Variants in GABRG1 observed in about 807,000 individuals in gnomAD.
GABRG1 encodes the protein gamma-aminobutyric acid receptor subunit gamma-1.
In GABRG1, 49 loss-of-function variants were observed where a neutral mutation model predicts 49.8. The observed-to-expected ratio is 0.98, with a 90% CI of 0.78 to 1.25. GABRG1 has a LOEUF of 1.25. GABRG1 is among the 50% of genes most tolerant of loss of function. The probability of loss-of-function intolerance (pLI) is 0.00; values close to 1 mark genes in which losing one functional copy is unlikely to be tolerated. For synonymous variants in GABRG1, 232 were observed against 185.1 expected (o/e 1.25, Z -2.06); for missense variants, 552 against 552.3 (o/e 1.00, Z 0.01).
Position 46,039,089 on chromosome 4 carries a change from A to C in GABRG1, c.*1899T>G, listed in dbSNP as rs878899946. 7 of 144,932 alleles carry C rather than the reference A, an allele frequency of 4.8e-5. No individual in the cohort carries two copies. The South Asian group carries it at 1.5e-3, about 30-fold the overall frequency. 9.0% of individuals were successfully genotyped at this position (144,932 alleles called of 1,614,324 possible). ...AAAATAGCCATACAATATTTTAGTA[A>C]AGTATTTTATTCTTTATTACTACTT... On this transcript the variant is annotated 3_prime_UTR_variant, in exon 9 of 9. Transcript: ENST00000295452.
chr4:46,068,108 C>T (rs1718985084), intron 3 of GABRG1, among the ~76,000 whole-genome samples: 1 of 152,092 alleles, frequency 6.6e-6, no homozygotes, highest in Admixed American at 6.6e-5. Flanking sequence ...GACATGATGT[C>T]TAATTTTAAT....
intron 3 of GABRG1, among the ~76,000 whole-genome samples, chr4:46,066,776 T>C (rs929794270): frequency 7.2e-5 from 11 of 151,774 alleles, no homozygotes; most frequent in Admixed American, 6.6e-5. Context: ...ATTTAACATA[T>C]ATAAAATGAA....
Position 46,037,751 on chromosome 4 carries a change from A to G in GABRG1, c.*3237T>C, listed in dbSNP as rs1333203252. The G allele has an allele frequency of 1.3e-5, 2 of 151,690 alleles. No individual in the cohort carries two copies. The highest frequency in any genetic ancestry group is 1.9e-4 in the East Asian group (1 of 5,178). 9.4% of individuals were successfully genotyped at this position (151,690 alleles called of 1,614,324 possible). A position where few individuals can be genotyped will look rare whatever the true frequency, so the allele number is the denominator to read the frequency against. On this transcript the variant is annotated 3_prime_UTR_variant, in exon 9 of 9. Coordinates refer to ENST00000295452, the MANE Select transcript of GABRG1 (RefSeq NM_173536.4). ...TTATTTATTTCAATCTACTAAAATCATCTTATTTAAAGCTCCTCTCTTGTA... is the reference window on the plus strand; with the variant it reads ...TTATTTATTTCAATCTACTAAAATCGTCTTATTTAAAGCTCCTCTCTTGTA...
At chr4:46,047,543 G>A (rs1718052410) in intron 8 of GABRG1, among the ~76,000 whole-genome samples, 3 of 152,040 alleles carry the variant, frequency 2.0e-5, no homozygotes, top group African/African-American at 7.2e-5. Flanking sequence ...ATAATATGAT[G>A]TCTGAAGACT....
intron 6 of GABRG1, 49 bp from the exon 7 acceptor site, chr4:46,058,418 C>T: frequency 6.3e-7 from 1 of 1,592,768 alleles, no homozygotes; most frequent in Non-Finnish European, 8.6e-7. Flanking sequence ...AAATCACAAT[C>T]CATATATTTA....
intron 2 of GABRG1, among the ~76,000 whole-genome samples, chr4:46,096,973 A>G (rs1056132748): frequency 6.6e-6 from 1 of 151,674 alleles, no homozygotes; most frequent in Non-Finnish European, 1.5e-5. Context: ...TCGGTCAGAT[A>G]TTGTTGTAGC....
At chr4:46,077,927 G>A (rs1332168782) in intron 3 of GABRG1, among the ~76,000 whole-genome samples, 4 of 151,522 alleles carry the variant, frequency 2.6e-5, no homozygotes, top group African/African-American at 7.3e-5. Context: ...TATTTATAGA[G>A]TCAATGAACA....
chr4:46,047,735 T>A (rs1303716237), intron 8 of GABRG1, among the ~76,000 whole-genome samples: 1 of 152,046 alleles, frequency 6.6e-6, no homozygotes, highest in Admixed American at 6.6e-5. Flanking sequence ...TGAAAAAGCA[T>A]GAGAAATTAT....
At chr4:46,112,464 C>T (rs1000271356) in intron 1 of GABRG1, among the ~76,000 whole-genome samples, 2 of 151,302 alleles carry the variant, frequency 1.3e-5, no homozygotes, top group African/African-American at 2.4e-5. Context: ...TATCATTCAA[C>T]CCAGCAATCC....
In GABRG1 at chr4:46,060,551, T is replaced by G. The variant is rs145101283; in HGVS notation, c.626-1929A>C. On this transcript the variant is annotated intron_variant, in intron 5 of 8. Transcript: ENST00000295452. ...TTAGAATATTTTAATGGTATAAAAT[T>G]TTTGTTTTCAACCGAAAGATTGGTA... Among the ~76,000 whole-genome samples, 170 of 152,258 alleles carry G rather than the reference T, an allele frequency of 1.1e-3. 1 individual carries two copies. The highest frequency in any genetic ancestry group is 1.8e-3 in the Admixed American group (28 of 15,278).
chr4:46,092,946 A>G (rs1381343152), intron 2 of GABRG1, among the ~76,000 whole-genome samples: 2 of 151,400 alleles, frequency 1.3e-5, no homozygotes, highest in Non-Finnish European at 3.0e-5. Context: ...GCGCATGCCT[A>G]TAATCCCAGC....
In GABRG1 at chr4:46,051,455, G is replaced by C. The variant is rs746021913; in HGVS notation, c.1100C>G (p.Thr367Ser). ...FTSNQKGKTA[T>S]KDRKLKNKAS... ...TTTATTTTTTAGCTTTCTGTCTTTAGTAGCAGTCTTTCCTTTTTGGTTGCT... is the reference window on the plus strand; with the variant it reads ...TTTATTTTTTAGCTTTCTGTCTTTACTAGCAGTCTTTCCTTTTTGGTTGCT... Residue 367 changes from threonine (T) to serine (S), a missense_variant, in exon 8 of 9, where the codon ACT becomes AGT. Transcript: ENST00000295452. 7 of 1,609,492 alleles carry C rather than the reference G, an allele frequency of 4.3e-6. No homozygotes were observed. Among genetic ancestry groups the C allele is most frequent in the Admixed American group, 1.7e-5 (1 of 59,590 alleles).
chr4:46,053,074 A>C (rs1428911465), intron 7 of GABRG1, among the ~76,000 whole-genome samples: 2 of 151,918 alleles, frequency 1.3e-5, no homozygotes, highest in African/African-American at 4.8e-5. Flanking sequence ...AAAAACAAAC[A>C]CAGTAATATC....
intron 3 of GABRG1, among the ~76,000 whole-genome samples, chr4:46,083,359 G>C (rs1033474680): frequency 6.6e-6 from 1 of 151,586 alleles, no homozygotes; most frequent in Non-Finnish European, 1.5e-5. Flanking sequence ...TGCTATAAGA[G>C]AGATGTATTT....
chr4:46,059,438 G>C (rs1337236195), intron 5 of GABRG1, among the ~76,000 whole-genome samples: 2 of 151,552 alleles, frequency 1.3e-5, no homozygotes, highest in Non-Finnish European at 2.9e-5. Context: ...CCAGGCTGGA[G>C]TGCAGTGGCA....
chr4:46,104,767 A>G (rs1013672626), intron 1 of GABRG1, among the ~76,000 whole-genome samples: 1 of 151,450 alleles, frequency 6.6e-6, no homozygotes, highest in Non-Finnish European at 1.5e-5. Context: ...TGTGCTGAGC[A>G]TCCAGCATTT....
chr4:46,073,237 T>C (rs995837651), intron 3 of GABRG1, among the ~76,000 whole-genome samples: 9 of 151,996 alleles, frequency 5.9e-5, no homozygotes, highest in South Asian at 2.1e-4. Flanking sequence ...AAATTGTTTT[T>C]GCCCAGTGAC....
Position 46,123,853 on chromosome 4 carries a change from C to T in GABRG1, c.61G>A (p.Val21Met), listed in dbSNP as rs1446739890. 39 of 1,613,590 alleles carry T rather than the reference C, an allele frequency of 2.4e-5. No homozygotes were observed. Among genetic ancestry groups the T allele is most frequent in the Non-Finnish European group, 3.0e-5 (35 of 1,179,786 alleles). Reference sequence around the variant, plus strand: ...GTCAGTAACAAGAAGACCAACCTCACCCCTCTACTTTGACTCCGCAGAAGA... The same window carrying T: ...GTCAGTAACAAGAAGACCAACCTCATCCCTCTACTTTGACTCCGCAGAAGA... Reference protein sequence around the residue: ...PFLLRSQSRGVRLVFLLLTLH... With the variant: ...PFLLRSQSRGMRLVFLLLTLH... The change falls in exon 1 of 9, where the codon GTG becomes ATG. Residue 21 changes from valine to methionine, a missense_variant. Transcript: ENST00000295452.
At chr4:46,072,985 G>A (rs1408084385) in intron 3 of GABRG1, among the ~76,000 whole-genome samples, 2 of 151,778 alleles carry the variant, frequency 1.3e-5, no homozygotes, top group African/African-American at 4.8e-5. Flanking sequence ...TTAAAATCTA[G>A]CAATCTGGCA....
Sources: gnomAD v4.1 joint callset for allele counts (sites outside exome capture counted in the v4.1 genomes callset) on GRCh38, gnomAD v4.1.1 for gene constraint, MANE v1.5 for transcripts, NCBI Gene and HGNC (gene_info 2026-07-23, HGNC 2026-07-21) for gene names.